RNGTT: variants seen among roughly 807,000 people sequenced by gnomAD.
The protein encoded by RNGTT is RNA guanylyltransferase and 5'-phosphatase, also known as mRNA-capping enzyme.
Under a neutral mutation model 79.3 loss-of-function variants are expected in RNGTT, and 33 were observed. The observed-to-expected ratio is 0.42, with a 90% CI of 0.32 to 0.56. RNGTT has a LOEUF of 0.56. RNGTT is among the 20% of genes least tolerant of loss of function. The pLI, the probability that RNGTT is intolerant of heterozygous loss-of-function variation, is 0.17. For synonymous variants in RNGTT, 222 were observed against 235.9 expected, an observed-to-expected ratio of 0.94 and a Z score of 0.54; for missense variants, 497 against 739.1, an observed-to-expected ratio of 0.67 and a Z score of 3.80.
At chr6:88,904,146 T>C (rs1216911676) in intron 6 of RNGTT, among the ~76,000 whole-genome samples, 2 of 152,296 alleles carry the variant, frequency 1.3e-5, no homozygotes, top group East Asian at 1.9e-4. Context: ...TGTAAAGAAA[T>C]AGTAAGTTCT....
intron 13 of RNGTT, among the ~76,000 whole-genome samples, chr6:88,709,081 G>A (rs1320070643): frequency 2.0e-5 from 3 of 152,050 alleles, no homozygotes; most frequent in Admixed American, 6.6e-5. Context: ...AGGCTGAGGC[G>A]GAGGGATCAT....
chr6:88,913,204 C>CAAAAA (rs1362127604), intron 4 of RNGTT, among the ~76,000 whole-genome samples: 1 of 53,440 alleles, frequency 1.9e-5, no homozygotes, highest in African/African-American at 6.8e-5. Context: ...AGCTCTGTCT[C>CAAAAA]AAAAAAAAAC....
At chr6:88,951,858 T>TG (rs1299342425) in intron 1 of RNGTT, among the ~76,000 whole-genome samples, 2 of 151,906 alleles carry the variant, frequency 1.3e-5, no homozygotes, top group Admixed American at 6.6e-5. Flanking sequence ...GGGAGGGTCA[T>TG]GGGGGGAAAA....
chr6:88,892,161 G>A (rs1783072374), intron 6 of RNGTT, among the ~76,000 whole-genome samples: 3 of 151,906 alleles, frequency 2.0e-5, no homozygotes. Context: ...AATCATAACA[G>A]TAATAATAAT....
chr6:88,893,840 C>T (rs1562306744), intron 6 of RNGTT, among the ~76,000 whole-genome samples: 1 of 152,114 alleles, frequency 6.6e-6, no homozygotes, highest in African/African-American at 2.4e-5. Flanking sequence ...ACACTTCATA[C>T]ACAAATCATC....
chr6:88,617,809 T>C (rs1215367465), intron 14 of RNGTT, among the ~76,000 whole-genome samples: 1 of 152,116 alleles, frequency 6.6e-6, no homozygotes, highest in Non-Finnish European at 1.5e-5. Flanking sequence ...CAAGCACCAA[T>C]GTCTTTCTAT....
intron 11 of RNGTT, among the ~76,000 whole-genome samples, chr6:88,832,914 G>C (rs1047968542): frequency 2.0e-5 from 3 of 151,500 alleles, no homozygotes; most frequent in Non-Finnish European, 4.4e-5. Context: ...TCATTAAAAA[G>C]TCAGGAAACA....
At chr6:88,650,968 G>T (rs1459094701) in intron 14 of RNGTT, among the ~76,000 whole-genome samples, 1 of 152,078 alleles carries the variant, frequency 6.6e-6, no homozygotes, top group African/African-American at 2.4e-5. Context: ...ATATCTCAGA[G>T]ATTCACAATT....
chr6:88,884,133 T>C (rs1344177077), intron 8 of RNGTT, among the ~76,000 whole-genome samples: 6 of 152,160 alleles, frequency 3.9e-5, no homozygotes, highest in Non-Finnish European at 7.3e-5. Flanking sequence ...AACTCAGCAA[T>C]CCTTCTTTCT....
At chr6:88,727,259 T>C (rs1776944534) in intron 13 of RNGTT, among the ~76,000 whole-genome samples, 1 of 152,172 alleles carries the variant, frequency 6.6e-6, no homozygotes, top group Non-Finnish European at 1.5e-5. Context: ...GAAAGTAAAA[T>C]ACATCTTTGG....
intron 12 of RNGTT, among the ~76,000 whole-genome samples, chr6:88,773,833 A>G (rs994263296): frequency 6.6e-6 from 1 of 152,144 alleles, no homozygotes; most frequent in Non-Finnish European, 1.5e-5. Flanking sequence ...TGAATAAACA[A>G]CCTGTAACAT....
At chr6:88,769,314 A>C (rs6454722) in intron 13 of RNGTT, among the ~76,000 whole-genome samples, 21,010 of 138,384 alleles carry the variant, frequency 0.15, 1,588 homozygotes, top group Middle Eastern at 0.25. Context: ...GTATGTGCCA[A>C]CAAGCCCAAC....
At chr6:88,708,212 C>G (rs1340405141) in intron 13 of RNGTT, among the ~76,000 whole-genome samples, 3 of 152,032 alleles carry the variant, frequency 2.0e-5, no homozygotes, top group African/African-American at 7.2e-5. Context: ...ATAAAGGCAG[C>G]CTTTTCCAAT....
intron 14 of RNGTT, among the ~76,000 whole-genome samples, chr6:88,615,257 T>C (rs1030524256): frequency 8.5e-5 from 13 of 152,198 alleles, no homozygotes; most frequent in Non-Finnish European, 1.8e-4. Context: ...ACTGCAATCA[T>C]TTAACTTCAT....
At chr6:88,663,554 C>T (rs987813117) in intron 14 of RNGTT, among the ~76,000 whole-genome samples, 1 of 152,164 alleles carries the variant, frequency 6.6e-6, no homozygotes, top group African/African-American at 2.4e-5. Context: ...GGGAAGTCAG[C>T]TCCTACGGTT....
At chr6:88,759,550 G>A (rs1778137227) in intron 13 of RNGTT, among the ~76,000 whole-genome samples, 1 of 152,048 alleles carries the variant, frequency 6.6e-6, no homozygotes, top group South Asian at 2.1e-4. Context: ...TCATATACAT[G>A]CACATACATG....
chr6:88,880,208 ATG>A (rs1207672963), intron 8 of RNGTT, among the ~76,000 whole-genome samples: 3 of 152,116 alleles, frequency 2.0e-5, no homozygotes, highest in African/African-American at 7.2e-5. Flanking sequence ...GAATGAATGA[ATG>A]AATGAAAGGA....
rs538027262 is a variant in RNGTT, at chr6:88,678,311, G to C, written c.1506+42C>G. 5.1e-6 allele frequency: 8 copies of C among 1,581,812 alleles called. No homozygotes were observed. The African/African-American group carries it at 5.4e-5, about 11-fold the overall frequency. ...CAAGGTTTTGATGGATTCTAGATAA[G>C]AGAACATCCAGGAAAAGTACACTGA... On this transcript the variant is annotated intron_variant, in intron 14 of 15. Coordinates refer to ENST00000369485, the MANE Select transcript of RNGTT (RefSeq NM_003800.5).
chr6:88,622,133 T>C (rs1772463196), intron 14 of RNGTT, among the ~76,000 whole-genome samples: 1 of 152,202 alleles, frequency 6.6e-6, no homozygotes, highest in African/African-American at 2.4e-5. Context: ...GAATTGCAAA[T>C]TAAAGACAAT....
Sources: allele counts gnomAD v4.1 joint callset (sites outside exome capture counted in the v4.1 genomes callset), GRCh38; gene constraint gnomAD v4.1.1; transcripts MANE v1.5; gene names NCBI Gene and HGNC (gene_info 2026-07-23, HGNC 2026-07-21).